DRC11: variants seen among roughly 807,000 people sequenced by gnomAD.
DRC11 encodes the protein dynein regulatory complex subunit 11, also known as IQ and AAA domain-containing protein 1.
At chr2:236,437,162 A>G in the DRC11 span, among the ~76,000 whole-genome samples, 2 of 141,256 alleles carry the variant, frequency 1.4e-5, no homozygotes, top group African/African-American at 2.6e-5. Context: ...TCATTGTTCA[A>G]TTCCCACCTA....
chr2:236,387,691 T>C, the DRC11 span, among the ~76,000 whole-genome samples: 1 of 151,536 alleles, frequency 6.6e-6, no homozygotes, highest in Admixed American at 6.6e-5. Context: ...ATGTGTGAAT[T>C]TGATCCTGTC....
chr2:236,506,203 G>A, the DRC11 span, among the ~76,000 whole-genome samples: 1 of 152,116 alleles, frequency 6.6e-6, no homozygotes. The surrounding 1 kb of genome is among the most constrained non-coding windows in gnomAD (Gnocchi z 4.9). Context: ...TCCTTTGCCA[G>A]GTCTCCTCTT....
chr2:236,470,629 C>A, the DRC11 span, among the ~76,000 whole-genome samples: 6 of 152,272 alleles, frequency 3.9e-5, no homozygotes, highest in Non-Finnish European at 8.8e-5. The surrounding 1 kb of genome is among the most constrained non-coding windows in gnomAD (Gnocchi z 5.1). Context: ...CATTTTGTTT[C>A]ATCATTTCAT....
the DRC11 span, among the ~76,000 whole-genome samples, chr2:236,389,395 G>T: frequency 1.3e-5 from 2 of 152,268 alleles, no homozygotes; most frequent in Non-Finnish European, 2.9e-5. Context: ...TCGGAAAAGC[G>T]CAGTATTCGG....
chr2:236,318,510 T>G, the DRC11 span, among the ~76,000 whole-genome samples: 7 of 152,062 alleles, frequency 4.6e-5, no homozygotes, highest in Non-Finnish European at 8.8e-5. This position sits in a 1 kb window ranked among gnomAD's most constrained non-coding sequence, Gnocchi z 7.0. Flanking sequence ...TCTGTGTATG[T>G]GTGTTTTTGG....
At chr2:236,457,728 C>T in the DRC11 span, among the ~76,000 whole-genome samples, 3 of 152,102 alleles carry the variant, frequency 2.0e-5, no homozygotes, top group African/African-American at 7.2e-5. The surrounding 1 kb of genome is among the most constrained non-coding windows in gnomAD (Gnocchi z 4.7). Context: ...GGTGATGTGA[C>T]CACAGAAGCA....
the DRC11 span, among the ~76,000 whole-genome samples, chr2:236,474,882 G>A: frequency 2.6e-5 from 4 of 152,054 alleles, no homozygotes; most frequent in Non-Finnish European, 4.4e-5. Context: ...CAGGGTATAC[G>A]TGATATTTGG....
At chr2:236,461,940 T>G in the DRC11 span, among the ~76,000 whole-genome samples, 1 of 151,948 alleles carries the variant, frequency 6.6e-6, no homozygotes, top group Non-Finnish European at 1.5e-5. The surrounding 1 kb of genome is among the most constrained non-coding windows in gnomAD (Gnocchi z 4.0). Flanking sequence ...CAAAGCACTA[T>G]CAACTTGAAC....
chr2:236,484,097 A>G, the DRC11 span, among the ~76,000 whole-genome samples: 2 of 152,174 alleles, frequency 1.3e-5, no homozygotes, highest in African/African-American at 4.8e-5. Context: ...ATATCCTCAC[A>G]TTGGTTAAAA....
chr2:236,346,776 G>A, the DRC11 span: 2 of 167,976 alleles, frequency 1.2e-5, no homozygotes, highest in Admixed American at 6.5e-5. Context: ...ACTAGCGAAA[G>A]GCAGTCTCCC....
At chr2:236,499,845 T>C in the DRC11 span, among the ~76,000 whole-genome samples, 1 of 152,208 alleles carries the variant, frequency 6.6e-6, no homozygotes, top group Non-Finnish European at 1.5e-5. The surrounding 1 kb of genome is among the most constrained non-coding windows in gnomAD (Gnocchi z 4.7). Context: ...GAGATAAGTA[T>C]CCATGGTTAA....
chr2:236,405,891 C>T, the DRC11 span, among the ~76,000 whole-genome samples: 6 of 152,210 alleles, frequency 3.9e-5, no homozygotes, highest in South Asian at 2.1e-4. The surrounding 1 kb of genome is among the most constrained non-coding windows in gnomAD (Gnocchi z 4.6). Context: ...ATTCACACTG[C>T]GAAGAATGGT....
the DRC11 span, chr2:236,392,367 T>TAAAGAA: frequency 3.5e-6 from 5 of 1,418,494 alleles, no homozygotes; most frequent in Non-Finnish European, 2.9e-6. The surrounding 1 kb of genome is among the most constrained non-coding windows in gnomAD (Gnocchi z 5.1). Context: ...TCCAGAAGGG[T>TAAAGAA]AAAGAAAAAG....
At chr2:236,420,276 G>A in the DRC11 span, among the ~76,000 whole-genome samples, 3 of 152,188 alleles carry the variant, frequency 2.0e-5, no homozygotes, top group Non-Finnish European at 4.4e-5. This position sits in a 1 kb window ranked among gnomAD's most constrained non-coding sequence, Gnocchi z 4.8. Flanking sequence ...GATTCAGCAC[G>A]TGCTTAACCA....
chr2:236,471,059 GA>G, the DRC11 span, among the ~76,000 whole-genome samples: 1 of 152,136 alleles, frequency 6.6e-6, no homozygotes, highest in Non-Finnish European at 1.5e-5. This position sits in a 1 kb window ranked among gnomAD's most constrained non-coding sequence, Gnocchi z 4.6. Context: ...TTAAGTGGTT[GA>G]AAAGTATTAA....
chr2:236,503,047 A>G, the DRC11 span, among the ~76,000 whole-genome samples: 1 of 152,272 alleles, frequency 6.6e-6, no homozygotes, highest in East Asian at 1.9e-4. The surrounding 1 kb of genome is among the most constrained non-coding windows in gnomAD (Gnocchi z 4.9). Context: ...AATAGACTAA[A>G]GACTATAAAT....
At chr2:236,384,810 T>C in the DRC11 span, among the ~76,000 whole-genome samples, 1 of 151,928 alleles carries the variant, frequency 6.6e-6, no homozygotes, top group Non-Finnish European at 1.5e-5. Flanking sequence ...CGTTTAAGTC[T>C]TTAATCCATC....
At chr2:236,495,866 C>T in the DRC11 span, among the ~76,000 whole-genome samples, 1 of 152,138 alleles carries the variant, frequency 6.6e-6, no homozygotes, top group African/African-American at 2.4e-5. This position sits in a 1 kb window ranked among gnomAD's most constrained non-coding sequence, Gnocchi z 5.6. Flanking sequence ...GCTCTTGGTG[C>T]TTGGTGGCCC....
At chr2:236,309,580 C>T in the DRC11 span, among the ~76,000 whole-genome samples, 31 of 152,112 alleles carry the variant, frequency 2.0e-4, no homozygotes, top group East Asian at 1.2e-3. The surrounding 1 kb of genome is among the most constrained non-coding windows in gnomAD (Gnocchi z 5.7). Flanking sequence ...CTGGAAATGG[C>T]GAATAGCTTA....
Sources: gnomAD v4.1 joint callset for allele counts (sites outside exome capture counted in the v4.1 genomes callset) on GRCh38, gnomAD v4.1.1 for gene constraint, Gnocchi (gnomAD v3.1) non-coding constraint, MANE v1.5 for transcripts, NCBI Gene and HGNC (gene_info 2026-07-23, HGNC 2026-07-21) for gene names.